The following THOC1 variants were observed in gnomAD, a reference collection of about 807,000 sequenced individuals.
THOC1 encodes the protein THO complex subunit 1.
A neutral mutation model predicts 97.3 loss-of-function variants in THOC1; 29 were observed. The observed-to-expected ratio is 0.30, with a 90% CI of 0.22 to 0.41. The LOEUF is 0.41. Ranked by LOEUF, THOC1 falls within the 10% of genes least tolerant of loss-of-function variation. THOC1 has a pLI of 1.00. For missense variants in THOC1, 529 were observed against 761.9 expected (o/e 0.69, Z 3.60); for synonymous variants, 255 against 257.0 (o/e 0.99, Z 0.07).
At chr18:247,695 AAT>A (rs1912141226) in intron 10 of THOC1, among the ~76,000 whole-genome samples, 152 bp downstream of exon 10, 1 of 152,240 alleles carries the variant, frequency 6.6e-6, no homozygotes, top group Non-Finnish European at 1.5e-5. Context: ...TAGTGGTTTA[AAT>A]ATTAATTTAT....
chr18:223,894 G>A (rs1288848320), intron 16 of THOC1, among the ~76,000 whole-genome samples, 190 bp downstream of exon 16: 1 of 152,142 alleles, frequency 6.6e-6, no homozygotes, highest in Non-Finnish European at 1.5e-5. Context: ...GGAAGCTGGA[G>A]ACAAAATGAA....
chr18:250,401 A>G (rs1912241546), intron 9 of THOC1, among the ~76,000 whole-genome samples: 1 of 152,216 alleles, frequency 6.6e-6, no homozygotes, highest in African/African-American at 2.4e-5. Flanking sequence ...CTGTTTACCC[A>G]CACAAAGCAA....
At chr18:244,789 T>C (rs1912031176) in intron 11 of THOC1, 1 of 152,168 alleles carries the variant, frequency 6.6e-6, no homozygotes, top group African/African-American at 2.4e-5. Context: ...TTTTCTTCTT[T>C]GGAAATCCTA....
chr18:231,016 T>C (rs2143192482), intron 11 of THOC1, among the ~76,000 whole-genome samples: 1 of 152,356 alleles, frequency 6.6e-6, no homozygotes, highest in East Asian at 1.9e-4. Context: ...CCTTACAAAG[T>C]GCTGGGATTA....
chr18:225,669 T>C (rs950438173), intron 12 of THOC1: 1 of 367,884 alleles, frequency 2.7e-6, no homozygotes, highest in African/African-American at 2.1e-5. Flanking sequence ...CAGAGCAATA[T>C]ATGTTTCCTA....
Position 242,460 on chromosome 18 carries a change from T to A in THOC1, c.918+3864A>T, listed in dbSNP as rs1386202402. On this transcript the variant is annotated intron_variant, in intron 11 of 20. Coordinates refer to ENST00000261600, the MANE Select transcript of THOC1 (RefSeq NM_005131.3). The surrounding 1 kb of genome is among the most constrained non-coding windows in gnomAD (Gnocchi z 4.5). ...AGTGTCTCAAAAAAAAAAAAAAAGT[T>A]TGTATCATCCTTGCCAAGCATTGTT... is the stretch of plus-strand genomic sequence containing the variant. 6.6e-6 allele frequency among the ~76,000 whole-genome samples: 1 copy of A among 151,714 alleles called. No homozygotes were observed. Among genetic ancestry groups the A allele is most frequent in the Admixed American group, 6.6e-5 (1 of 15,222 alleles).
At chr18:237,067 A>G (rs1433917694) in intron 11 of THOC1, among the ~76,000 whole-genome samples, 1 of 152,074 alleles carries the variant, frequency 6.6e-6, no homozygotes, top group Non-Finnish European at 1.5e-5. Flanking sequence ...TGAAAAGAAC[A>G]CAGCTCTACA....
chr18:256,324 C>G (rs2143285214), intron 7 of THOC1, among the ~76,000 whole-genome samples: 1 of 152,288 alleles, frequency 6.6e-6, no homozygotes, highest in South Asian at 2.1e-4. Context: ...TTCACATTAA[C>G]AGGAGTTTGG....
At chr18:243,730 T>C (rs1429164976) in intron 11 of THOC1, among the ~76,000 whole-genome samples, 1 of 152,172 alleles carries the variant, frequency 6.6e-6, no homozygotes, top group East Asian at 1.9e-4. Flanking sequence ...CTTGGGAAGG[T>C]TCTTTGTTAA....
chr18:235,085 ATT>A (rs34986100), intron 11 of THOC1, among the ~76,000 whole-genome samples: 1 of 139,158 alleles, frequency 7.2e-6, no homozygotes, highest in Non-Finnish European at 1.6e-5. Flanking sequence ...TTGGTTTTCT[ATT>A]TTTTTTTTTT....
In THOC1 at chr18:250,027, CCAATCA is replaced by C. The variant is rs1268963595; in HGVS notation, c.678-2076_678-2071del. On this transcript the variant is annotated intron_variant, in intron 9 of 20. Coordinates refer to ENST00000261600, the MANE Select transcript of THOC1 (RefSeq NM_005131.3). ...TTCACATCTAATTTAACACTTAATA[CCAATCA>C]CAATATTATTCCATGTTGCTAATTA... Among the ~76,000 whole-genome samples, 4 of 152,270 alleles carry C rather than the reference CCAATCA, an allele frequency of 2.6e-5. No homozygotes were observed. The East Asian group carries it at 7.7e-4, about 29-fold the overall frequency.
At chr18:216,422 A>G in intron 19 of THOC1, 64 bp downstream of exon 19, 5 of 1,550,100 alleles carry the variant, frequency 3.2e-6, no homozygotes, top group Non-Finnish European at 3.5e-6. Context: ...TTGCTCACAT[A>G]GTGACAGCAA....
In THOC1 at chr18:253,985, A is replaced by G. The variant is rs1912360925; in HGVS notation, c.603+288T>C. On this transcript the variant is annotated intron_variant, in intron 8 of 20. Coordinates refer to ENST00000261600, the MANE Select transcript of THOC1 (RefSeq NM_005131.3). ...GAGTACAGTGGCATGATCAAGGCTCACTGCAGCTTGACCTCCCTGGGCTGA... is the reference window on the plus strand; with the variant it reads ...GAGTACAGTGGCATGATCAAGGCTCGCTGCAGCTTGACCTCCCTGGGCTGA... 2.0e-5 allele frequency among the ~76,000 whole-genome samples: 3 copies of G among 148,768 alleles called. No homozygotes were observed. The Admixed American group carries it at 2.1e-4, about 10-fold the overall frequency.
chr18:218,085 A>C (rs192365998), intron 18 of THOC1, among the ~76,000 whole-genome samples: 106 of 152,236 alleles, frequency 7.0e-4, no homozygotes, highest in Admixed American at 1.3e-3. Context: ...GTAATTAACA[A>C]CTCTGGTCAC....
intron 17 of THOC1, among the ~76,000 whole-genome samples, chr18:219,457 C>T (rs550521477): frequency 8.1e-6 from 1 of 122,754 alleles, no homozygotes; most frequent in South Asian, 2.8e-4. Flanking sequence ...CTGAGCGGTA[C>T]AAAATAACCA....
At chr18:223,624 GT>G (rs1911168195) in intron 16 of THOC1, 119 bp from the exon 17 acceptor site, 9 of 740,128 alleles carry the variant, frequency 1.2e-5, no homozygotes, top group African/African-American at 1.8e-5. Flanking sequence ...GACAGTATGA[GT>G]TTTACTTTTC....
chr18:252,243 T>C (rs972623659), intron 9 of THOC1, among the ~76,000 whole-genome samples: 1 of 152,160 alleles, frequency 6.6e-6, no homozygotes, highest in Non-Finnish European at 1.5e-5. Context: ...ACAAGTTTAA[T>C]GGAAGGGATT....
chr18:259,253 T>C lies in THOC1; in HGVS notation c.447A>G (p.Lys149=). The C allele has an allele frequency of 6.2e-7, 1 of 1,611,188 alleles. No individual in the cohort carries two copies. The highest frequency in any genetic ancestry group is 1.1e-5 in the South Asian group (1 of 90,428). Reference sequence around the variant, plus strand: ...GTCCACAGAAGACTGTATTCTGGGATTTAGACAATCTTCTTAGGAGATCTA... The same window carrying C: ...GTCCACAGAAGACTGTATTCTGGGACTTAGACAATCTTCTTAGGAGATCTA... ...MCNDLLRRLS[K]SQNTVFCGRI... is the part of the protein sequence containing the mutation. The change falls in exon 7 of 21, where the codon AAA becomes AAG. Residue 149 remains lysine (K), a synonymous_variant. Coordinates refer to ENST00000261600, the MANE Select transcript of THOC1 (RefSeq NM_005131.3).
rs1334768586 is a variant in THOC1, at chr18:218,914, G to A, written c.1426C>T (p.Pro476Ser). 1 of 1,604,774 alleles carries A rather than the reference G, an allele frequency of 6.2e-7. No homozygotes were observed. Among genetic ancestry groups the A allele is most frequent in the South Asian group, 1.1e-5 (1 of 89,104 alleles). Residue 476 changes from proline to serine, a missense_variant, in exon 18 of 21, where the codon CCT (proline) becomes TCT (serine). Coordinates refer to ENST00000261600, the MANE Select transcript of THOC1 (RefSeq NM_005131.3). ...FFEEAIEQAD[P>S]ENMVENEYKA... is the part of the protein sequence containing the mutation. ...TATTCATTTTCCACCATATTTTCAGGGTCTGCCTGTTCAATGGCTTCTTCA... is the reference window on the plus strand; with the variant it reads ...TATTCATTTTCCACCATATTTTCAGAGTCTGCCTGTTCAATGGCTTCTTCA...
Sources: gnomAD v4.1 joint callset for allele counts (sites outside exome capture counted in the v4.1 genomes callset) on GRCh38, gnomAD v4.1.1 for gene constraint, Gnocchi (gnomAD v3.1) non-coding constraint, MANE v1.5 for transcripts, NCBI Gene and HGNC (gene_info 2026-07-23, HGNC 2026-07-21) for gene names.